Variants in KIF11 observed in about 807,000 individuals in gnomAD.
The protein encoded by KIF11 is kinesin-like protein KIF11.
Under a neutral mutation model 121.0 loss-of-function variants are expected in KIF11, and 9 were observed. The observed-to-expected ratio is 0.07, with a 90% CI of 0.04 to 0.13. KIF11 has a LOEUF of 0.13. Among genes scored for constraint, KIF11 ranks in the 10% least tolerant of loss-of-function variants. The probability of loss-of-function intolerance (pLI) is 1.00; values close to 1 mark genes in which losing one functional copy is unlikely to be tolerated. For synonymous variants in KIF11, 408 were observed against 421.0 expected (o/e 0.97, Z 0.38); for missense variants, 846 against 1,217.5 (o/e 0.69, Z 4.54).
chr10:92,639,959 A>G (rs1236754014), intron 17 of KIF11, 59 bp downstream of exon 17: 3 of 894,868 alleles, frequency 3.4e-6, no homozygotes, highest in Non-Finnish European at 5.3e-6. Flanking sequence ...TTTAAGAAGA[A>G]AAAGCTTTAA....
Position 92,606,268 on chromosome 10 carries a change from A to G in KIF11, c.81A>G (p.Pro27=), listed in dbSNP as rs1340530084. 2.5e-6 allele frequency: 4 copies of G among 1,587,906 alleles called. No homozygotes were observed. Among genetic ancestry groups the G allele is most frequent in the Middle Eastern group, 1.7e-4 (1 of 5,934 alleles). Reference sequence around the variant, plus strand: ...CTTTGTGTATTTCTTTTTATAGACCATTTAATTTGGCAGAGCGGAAAGCTA... The same window carrying G: ...CTTTGTGTATTTCTTTTTATAGACCGTTTAATTTGGCAGAGCGGAAAGCTA... The part of the protein sequence containing the change: ...KNIQVVVRCR[P]FNLAERKASA... Residue 27 remains proline (P), a synonymous_variant, in exon 2 of 22, where the codon CCA becomes CCG. Transcript: ENST00000260731.
intron 16 of KIF11, among the ~76,000 whole-genome samples, chr10:92,638,552 C>T (rs1407466045): frequency 1.3e-5 from 2 of 152,070 alleles, no homozygotes; most frequent in Non-Finnish European, 2.9e-5. Flanking sequence ...AATTGTTAGA[C>T]AGCTCTTTAA....
chr10:92,602,896 C>T (rs1412471203), intron 1 of KIF11, among the ~76,000 whole-genome samples: 1 of 150,340 alleles, frequency 6.7e-6, no homozygotes, highest in African/African-American at 2.5e-5. Context: ...GCTCTTGTTG[C>T]CCAGGCTGGG....
intron 1 of KIF11, among the ~76,000 whole-genome samples, chr10:92,600,984 C>T (rs1844362931): frequency 6.6e-6 from 1 of 151,474 alleles, no homozygotes; most frequent in Non-Finnish European, 1.5e-5. Context: ...CTCAGCCTCC[C>T]AAGTAGCTGG....
chr10:92,606,285 G>C lies in KIF11; in HGVS notation c.98G>C (p.Arg33Pro). ...VRCRPFNLAE[R>P]KASAHSIVEC... ...TATAGACCATTTAATTTGGCAGAGC[G>C]GAAAGCTAGCGCCCATTCAATAGTA... is the stretch of plus-strand genomic sequence containing the variant. Residue 33 changes from arginine to proline, a missense_variant, in exon 2 of 22, where the codon CGG (arginine) becomes CCG (proline). Arg to Pro is a moderately radical substitution (Grantham distance 103). Around this residue, in one of 5 missense-constraint regions of KIF11, gnomAD observed 140 missense variants for 193.5 expected, o/e 0.72. Coordinates refer to ENST00000260731, the MANE Select transcript of KIF11 (RefSeq NM_004523.4). The C allele has an allele frequency of 1.3e-6, 2 of 1,596,690 alleles. No individual in the cohort carries two copies. Among genetic ancestry groups the C allele is most frequent in the Non-Finnish European group, 1.7e-6 (2 of 1,175,752 alleles).
intron 6 of KIF11, among the ~76,000 whole-genome samples, chr10:92,610,658 T>G (rs1844486199): frequency 6.6e-6 from 1 of 152,214 alleles, no homozygotes. Flanking sequence ...TTTTTGTAAA[T>G]AAGTGAATTT....
rs1844251223 is a variant in KIF11 at position 92,593,266 on chromosome 10, G to C, written c.-110G>C. Reference sequence around the variant, plus strand: ...TGCGTCGGTCCTCCAGGCCACGCCAGCGCCCGAGAGGGACCAGGGAGACTC... The same window carrying C: ...TGCGTCGGTCCTCCAGGCCACGCCACCGCCCGAGAGGGACCAGGGAGACTC... On this transcript the variant is annotated 5_prime_UTR_variant, in exon 1 of 22. Transcript: ENST00000260731. 1 of 1,127,776 alleles carries C rather than the reference G, an allele frequency of 8.9e-7. No individual in the cohort carries two copies. The highest frequency in any genetic ancestry group is 1.3e-6 in the Non-Finnish European group (1 of 794,768). The allele number at this position is 1,127,776 out of a possible 1,614,324, so 69.9% of individuals were successfully genotyped here.
Position 92,613,654 on chromosome 10 carries a change from G to C in KIF11, c.1032+35G>C. 4 of 1,566,714 alleles carry C rather than the reference G, an allele frequency of 2.6e-6. No individual in the cohort carries two copies. Among genetic ancestry groups the C allele is most frequent in the Non-Finnish European group, 3.5e-6 (4 of 1,157,844 alleles). On this transcript the variant is annotated intron_variant, in intron 8 of 21. Coordinates refer to ENST00000260731, the MANE Select transcript of KIF11 (RefSeq NM_004523.4). The surrounding 1 kb of genome is among the most constrained non-coding windows in gnomAD (Gnocchi z 4.2). ...TTGAAAGGAAGCTGCAAGTGTAGTA[G>C]CTGTAATTCTTATTTGGCTATTATA...
At chr10:92,644,735 A>C (rs1389578804) in intron 17 of KIF11, among the ~76,000 whole-genome samples, 2 of 152,106 alleles carry the variant, frequency 1.3e-5, no homozygotes, top group Non-Finnish European at 2.9e-5. Context: ...ACTTCATTCC[A>C]CAAGGTTTAA....
At chr10:92,616,000 GGCTAATTTTTGTATTT>G (rs1427443375) in intron 8 of KIF11, among the ~76,000 whole-genome samples, 2 of 151,576 alleles carry the variant, frequency 1.3e-5, no homozygotes, top group African/African-American at 4.9e-5. Flanking sequence ...CACCATGCCT[GGCTAATTTTTGTATTT>G]GTGGTGGAGA....
chr10:92,636,414 C>T (rs976872159), intron 14 of KIF11, among the ~76,000 whole-genome samples: 1 of 151,644 alleles, frequency 6.6e-6, no homozygotes. Context: ...GTCAGGAGTT[C>T]GAGACCAGCC....
intron 6 of KIF11, among the ~76,000 whole-genome samples, chr10:92,611,879 A>G (rs1485670099): frequency 1.3e-5 from 2 of 152,204 alleles, no homozygotes; most frequent in African/African-American, 2.4e-5. Flanking sequence ...AGCCTGGGCA[A>G]TAAGTCTCAA....
chr10:92,642,722 C>A (rs1484551749), intron 17 of KIF11, among the ~76,000 whole-genome samples: 1 of 152,094 alleles, frequency 6.6e-6, no homozygotes, highest in Non-Finnish European at 1.5e-5. Flanking sequence ...CTGATAAGCT[C>A]TTGTTCTGAA....
chr10:92,615,133 G>T (rs1204141064), intron 8 of KIF11, among the ~76,000 whole-genome samples: 1 of 152,108 alleles, frequency 6.6e-6, no homozygotes, highest in Non-Finnish European at 1.5e-5. Context: ...GCCAGGCACG[G>T]TGGCTTACGC....
intron 1 of KIF11, among the ~76,000 whole-genome samples, chr10:92,596,641 A>G (rs1034402996): frequency 4.6e-5 from 7 of 151,204 alleles, no homozygotes; most frequent in African/African-American, 1.5e-4. Context: ...GCATCTTTTC[A>G]TGTGTTTACT....
chr10:92,624,034 C>T (rs1196251174), intron 10 of KIF11, among the ~76,000 whole-genome samples: 1 of 152,012 alleles, frequency 6.6e-6, no homozygotes, highest in Non-Finnish European at 1.5e-5. Flanking sequence ...TCAATCCTTG[C>T]TCTCCTCTTA....
chr10:92,612,661 T>C (rs189930230), intron 6 of KIF11, among the ~76,000 whole-genome samples: 1 of 152,330 alleles, frequency 6.6e-6, no homozygotes, highest in Non-Finnish European at 1.5e-5. Context: ...CCTTACCTGG[T>C]ACCATTTGAA....
Position 92,649,909 on chromosome 10 carries a change from G to C in KIF11, c.2845G>C (p.Asp949His), listed in dbSNP as rs753940727. Residue 949 changes from aspartate to histidine, a missense_variant, in exon 20 of 22, where the codon GAT becomes CAT. Around this residue, in one of 5 missense-constraint regions of KIF11, gnomAD observed 492 missense variants for 603.4 expected, o/e 0.82. Transcript: ENST00000260731. ...AACTGAACCACGTGAACATCTCCTT[G>C]ATCAGCTGAAAAGGAAACAGCCTGA... ...VRTEPREHLL[D>H]QLKRKQPELL... The C allele has an allele frequency of 1.2e-6, 2 of 1,612,828 alleles. No homozygotes were observed.
chr10:92,619,369 A>G (rs1022111898), intron 9 of KIF11, among the ~76,000 whole-genome samples: 1 of 152,180 alleles, frequency 6.6e-6, no homozygotes, highest in African/African-American at 2.4e-5. Context: ...TGTACCATAC[A>G]TACAGTTTTT....
Sources: gnomAD v4.1 joint callset for allele counts (sites outside exome capture counted in the v4.1 genomes callset) on GRCh38, gnomAD v4.1.1 for gene constraint, gnomAD v4.1.1 regional missense constraint, Gnocchi (gnomAD v3.1) non-coding constraint, MANE v1.5 for transcripts, NCBI Gene and HGNC (gene_info 2026-07-23, HGNC 2026-07-21) for gene names.